Variants in CIRSR observed in about 807,000 individuals in gnomAD.
CIRSR encodes the protein CBF1 (RBPJ) interacting corepressor 1.
At chr2:174,376,103 C>T in the CIRSR span, among the ~76,000 whole-genome samples, 5 of 152,284 alleles carry the variant, frequency 3.3e-5, no homozygotes, top group East Asian at 1.9e-4. Flanking sequence ...TCAAGCAATC[C>T]TCCTGCCTTG....
chr2:174,381,653 C>A, the CIRSR span: 10 of 1,405,630 alleles, frequency 7.1e-6, no homozygotes, highest in African/African-American at 1.5e-4. Context: ...CAAGACTGTG[C>A]CTCAGAAAAA....
At chr2:174,378,148 A>C in the CIRSR span, among the ~76,000 whole-genome samples, 1 of 152,200 alleles carries the variant, frequency 6.6e-6, no homozygotes, top group East Asian at 1.9e-4. Context: ...GGTTTCATGT[A>C]AGATTTCTTA....
chr2:174,361,456 T>C, the CIRSR span, among the ~76,000 whole-genome samples: 1 of 152,362 alleles, frequency 6.6e-6, no homozygotes, highest in South Asian at 2.1e-4. Flanking sequence ...GCAAATATTA[T>C]GATCAGACAA....
the CIRSR span, among the ~76,000 whole-genome samples, chr2:174,389,088 A>G: frequency 6.6e-6 from 1 of 152,204 alleles, no homozygotes; most frequent in African/African-American, 2.4e-5. Context: ...GAATAGACTA[A>G]TATAGTAAAT....
chr2:174,379,076 A>C, the CIRSR span: 1 of 1,434,868 alleles, frequency 7.0e-7, no homozygotes, highest in Non-Finnish European at 9.8e-7. Context: ...GTTACTAAAA[A>C]AGTAAGAATC....
At chr2:174,354,433 T>A in the CIRSR span, among the ~76,000 whole-genome samples, 2 of 46,588 alleles carry the variant, frequency 4.3e-5, no homozygotes, top group Non-Finnish European at 8.4e-5. Context: ...TATTATATGA[T>A]ATATATAATA....
At chr2:174,350,839 G>A in the CIRSR span, 2 of 891,982 alleles carry the variant, frequency 2.2e-6, no homozygotes, top group African/African-American at 1.7e-5. Flanking sequence ...TTTTGTATCA[G>A]GGACACACTG....
At chr2:174,360,784 G>A in the CIRSR span, among the ~76,000 whole-genome samples, 840 of 152,214 alleles carry the variant, frequency 5.5e-3, 7 homozygotes, top group African/African-American at 0.02. Context: ...GAACAGCCAT[G>A]CTAACAACAA....
At chr2:174,349,944 A>T in the CIRSR span, among the ~76,000 whole-genome samples, 1 of 152,194 alleles carries the variant, frequency 6.6e-6, no homozygotes, top group East Asian at 1.9e-4. Context: ...TTCTCCAGAA[A>T]TTCTGAGTAA....
At chr2:174,354,554 T>TATATC in the CIRSR span, among the ~76,000 whole-genome samples, 2 of 23,508 alleles carry the variant, frequency 8.5e-5, no homozygotes, top group Admixed American at 1.3e-3. Context: ...TATTATATTA[T>TATATC]ATATATTTTA....
At chr2:174,352,954 C>T in the CIRSR span, among the ~76,000 whole-genome samples, 13 of 152,126 alleles carry the variant, frequency 8.5e-5, no homozygotes, top group South Asian at 2.1e-4. Context: ...CACTTATTTG[C>T]GCACTCACCT....
At chr2:174,383,861 A>AG in the CIRSR span, among the ~76,000 whole-genome samples, 65 of 151,354 alleles carry the variant, frequency 4.3e-4, no homozygotes, top group African/African-American at 1.5e-3. Context: ...AAAAAAAAAA[A>AG]AAAAAAGAAA....
chr2:174,355,774 T>C, the CIRSR span, among the ~76,000 whole-genome samples: 1 of 152,208 alleles, frequency 6.6e-6, no homozygotes, highest in African/African-American at 2.4e-5. Context: ...AAAATAGGTA[T>C]TTTATCAAAG....
At chr2:174,379,031 C>A in the CIRSR span, 1 of 1,610,114 alleles carries the variant, frequency 6.2e-7, no homozygotes, top group Non-Finnish European at 8.5e-7. Flanking sequence ...ATGCACCTCA[C>A]ATTTCGAACC....
At chr2:174,360,876 A>G in the CIRSR span, among the ~76,000 whole-genome samples, 1 of 152,210 alleles carries the variant, frequency 6.6e-6, no homozygotes, top group South Asian at 2.1e-4. Context: ...AAAATAGCCA[A>G]AATTTGAAGT....
the CIRSR span, chr2:174,351,670 T>C: frequency 6.2e-7 from 1 of 1,613,974 alleles, no homozygotes; most frequent in South Asian, 1.1e-5. Context: ...TTCGTTTCAG[T>C]GCAAACCCAC....
At chr2:174,387,500 T>C in the CIRSR span, 5 of 520,930 alleles carry the variant, frequency 9.6e-6, no homozygotes, top group Non-Finnish European at 1.3e-5. Context: ...ACGTGAATTA[T>C]GGGTAAAGCT....
the CIRSR span, among the ~76,000 whole-genome samples, chr2:174,389,813 C>A: frequency 6.6e-6 from 1 of 152,086 alleles, no homozygotes; most frequent in South Asian, 2.1e-4. Context: ...TCCAGCCACT[C>A]CAGCTATGGC....
chr2:174,383,096 C>T, the CIRSR span, among the ~76,000 whole-genome samples: 51 of 152,164 alleles, frequency 3.4e-4, no homozygotes, highest in African/African-American at 1.1e-3. Context: ...TATGCAATAC[C>T]GTGGGTCAAC....
Sources: gnomAD v4.1 joint callset for allele counts (sites outside exome capture counted in the v4.1 genomes callset) on GRCh38, gnomAD v4.1.1 for gene constraint, MANE v1.5 for transcripts, NCBI Gene and HGNC (gene_info 2026-07-23, HGNC 2026-07-21) for gene names.